TAMM41: variants seen among roughly 807,000 people sequenced by gnomAD.
TAMM41 encodes TAM41 mitochondrial translocator assembly and maintenance homolog.
In TAMM41, 36 loss-of-function variants were observed where a neutral mutation model predicts 44.1. The ratio of observed to expected loss-of-function variants is 0.82; its 90% CI spans 0.63 to 1.08. TAMM41 has a LOEUF of 1.08. Ranked by LOEUF, TAMM41 falls within the 50% of genes least tolerant of loss-of-function variation. The probability of loss-of-function intolerance (pLI) is 0.00; values close to 1 mark genes in which losing one functional copy is unlikely to be tolerated. For missense variants in TAMM41, 417 were observed against 404.3 expected (o/e 1.03, Z -0.27); for synonymous variants, 164 against 153.1 (o/e 1.07, Z -0.53).
At chr3:11,729,571 T>C in the TAMM41 span, among the ~76,000 whole-genome samples, 1 of 108,342 alleles carries the variant, frequency 9.2e-6, no homozygotes, top group Non-Finnish European at 1.8e-5. Context: ...TTTTTTTTTT[T>C]TTTTTATGAG....
intron 7 of TAMM41, chr3:11,807,025 A>C (rs1326175166): frequency 3.8e-6 from 1 of 261,226 alleles, no homozygotes; most frequent in Non-Finnish European, 6.0e-6. Flanking sequence ...ACTTTCAGAC[A>C]TACGTGGTCT....
At position 11,809,692 on chromosome 3, in the gene TAMM41, G is replaced by A. The variant is rs781236419; in HGVS notation, c.709-10C>T. The stretch of plus-strand genomic sequence containing the variant: ...CTGGGCTTTTATCTATCTGAAGGGA[G>A]GAAAAAAAAGACGACGTCTATGGAA... On this transcript the variant is annotated splice_polypyrimidine_tract_variant and intron_variant, in intron 5 of 7. Transcript: ENST00000455809. 5.7e-6 allele frequency: 9 copies of A among 1,584,788 alleles called. No individual in the cohort carries two copies. In the Admixed American group the frequency reaches 1.0e-4, roughly 18 times the overall value.
At chr3:11,812,542 C>T (rs1478427258) in intron 5 of TAMM41, among the ~76,000 whole-genome samples, 1 of 152,176 alleles carries the variant, frequency 6.6e-6, no homozygotes, top group African/African-American at 2.4e-5. Context: ...CTTCCTATCA[C>T]TACAGCTCTA....
chr3:11,754,708 C>CTCTT, the TAMM41 span, among the ~76,000 whole-genome samples: 2 of 103,562 alleles, frequency 1.9e-5, no homozygotes, highest in African/African-American at 3.8e-5. Flanking sequence ...TCTCAGATCT[C>CTCTT]TTTTTTTTTT....
the TAMM41 span, among the ~76,000 whole-genome samples, chr3:11,748,248 A>C: frequency 6.1e-4 from 57 of 93,048 alleles, no homozygotes; most frequent in Non-Finnish European, 3.5e-4. Flanking sequence ...GTCTCATATT[A>C]ATATTAATAT....
At chr3:11,736,322 C>T in the TAMM41 span, among the ~76,000 whole-genome samples, 1 of 152,150 alleles carries the variant, frequency 6.6e-6, no homozygotes, top group East Asian at 1.9e-4. Context: ...GCTTCCCATC[C>T]CTCATGCTCA....
the TAMM41 span, among the ~76,000 whole-genome samples, chr3:11,775,873 G>C: frequency 6.6e-6 from 1 of 152,138 alleles, no homozygotes; most frequent in African/African-American, 2.4e-5. Flanking sequence ...TCTTTTTTAA[G>C]AGAAGTGTGT....
At chr3:11,768,116 T>C in the TAMM41 span, among the ~76,000 whole-genome samples, 5 of 148,438 alleles carry the variant, frequency 3.4e-5, no homozygotes, top group South Asian at 4.4e-4. Context: ...TTTGCATATC[T>C]TCTTTGGATG....
At chr3:11,723,608 A>G in the TAMM41 span, among the ~76,000 whole-genome samples, 5 of 151,990 alleles carry the variant, frequency 3.3e-5, no homozygotes, top group African/African-American at 4.8e-5. Context: ...AAAACAAAAA[A>G]AAAACTTAAG....
At chr3:11,778,158 T>A in the TAMM41 span, among the ~76,000 whole-genome samples, 1 of 152,200 alleles carries the variant, frequency 6.6e-6, no homozygotes, top group African/African-American at 2.4e-5. Flanking sequence ...TGTGTGGACA[T>A]ATATTTTCAT....
At chr3:11,727,715 C>T in the TAMM41 span, among the ~76,000 whole-genome samples, 1 of 152,078 alleles carries the variant, frequency 6.6e-6, no homozygotes, top group African/African-American at 2.4e-5. Flanking sequence ...ATCCTCCCGC[C>T]TTGGCCTCCC....
chr3:11,741,303 G>A, the TAMM41 span, among the ~76,000 whole-genome samples: 28 of 147,516 alleles, frequency 1.9e-4, 1 homozygote, highest in East Asian at 5.9e-4. Context: ...CTGTTGCTGC[G>A]TCCCCACACA....
At chr3:11,808,166 G>A (rs2077976819) in intron 6 of TAMM41, 3 of 946,894 alleles carry the variant, frequency 3.2e-6, no homozygotes, top group South Asian at 7.4e-5. Context: ...ACAAGGGGAT[G>A]GGTTAGCTGA....
the TAMM41 span, among the ~76,000 whole-genome samples, chr3:11,774,983 C>T: frequency 6.6e-6 from 1 of 151,600 alleles, no homozygotes; most frequent in African/African-American, 2.4e-5. Context: ...ATTCTCCTGC[C>T]CTCAGCCTCC....
chr3:11,753,733 T>A, the TAMM41 span, among the ~76,000 whole-genome samples: 3 of 149,610 alleles, frequency 2.0e-5, no homozygotes, highest in African/African-American at 7.5e-5. Flanking sequence ...CAAGACTCCG[T>A]CTCAAAAAAA....
At chr3:11,744,094 T>C in the TAMM41 span, among the ~76,000 whole-genome samples, 7 of 151,888 alleles carry the variant, frequency 4.6e-5, no homozygotes, top group East Asian at 1.4e-3. Flanking sequence ...TGAGATGGAG[T>C]TTTTGCTGTA....
chr3:11,779,365 C>A, the TAMM41 span, among the ~76,000 whole-genome samples: 1 of 152,094 alleles, frequency 6.6e-6, no homozygotes, highest in African/African-American at 2.4e-5. Flanking sequence ...ATTGCCAGGT[C>A]GTGCAGGAAC....
downstream of TAMM41, among the ~76,000 whole-genome samples, chr3:11,788,555 C>T (rs2077430254): frequency 6.6e-6 from 1 of 152,182 alleles, no homozygotes; most frequent in Admixed American, 6.5e-5. Flanking sequence ...TTCCAAAGTG[C>T]TGGGATTCCA....
At chr3:11,771,929 C>G in the TAMM41 span, among the ~76,000 whole-genome samples, 646 of 152,154 alleles carry the variant, frequency 4.2e-3, 8 homozygotes, top group African/African-American at 0.014. Flanking sequence ...TTAAGGGGTA[C>G]AGGTTCATTT....
Sources: gnomAD v4.1 joint callset for allele counts (sites outside exome capture counted in the v4.1 genomes callset) on GRCh38, gnomAD v4.1.1 for gene constraint, MANE v1.5 for transcripts, NCBI Gene and HGNC (gene_info 2026-07-23, HGNC 2026-07-21) for gene names.